PTPRH: variants seen among roughly 807,000 people sequenced by gnomAD.
PTPRH encodes receptor-type tyrosine-protein phosphatase H.
Under a neutral mutation model 130.2 loss-of-function variants are expected in PTPRH, and 113 were observed. The observed-to-expected ratio is 0.87, with a 90% CI of 0.75 to 1.01. PTPRH has a LOEUF of 1.01. Ranked by LOEUF, PTPRH falls within the 50% of genes least tolerant of loss-of-function variation. The pLI, the probability that PTPRH is intolerant of heterozygous loss-of-function variation, is 0.00. For missense variants in PTPRH, 1,430 were observed against 1,425.0 expected (o/e 1.00, Z -0.06); for synonymous variants, 556 against 577.9 (o/e 0.96, Z 0.54).
At chr19:55,201,846 A>G (rs1690327423) in intron 6 of PTPRH, among the ~76,000 whole-genome samples, 1 of 152,228 alleles carries the variant, frequency 6.6e-6, no homozygotes, top group African/African-American at 2.4e-5. Context: ...AGAGAGTCCT[A>G]GACACAGACT....
Position 55,209,320 on chromosome 19 carries a change from T to C in PTPRH, c.51+63A>G. The C allele has an allele frequency of 7.1e-7, 1 of 1,418,250 alleles. No homozygotes were observed. The highest frequency in any genetic ancestry group is 9.8e-7 in the Non-Finnish European group (1 of 1,025,046). The allele number at this position is 1,418,250 out of a possible 1,614,324, so 87.9% of individuals were successfully genotyped here. A position where few individuals can be genotyped will look rare whatever the true frequency, so the allele number is the denominator to read the frequency against. ...CAAGATCGAGGTGCAGGCACCCAGC[T>C]CCTTCTCCCTCAGACCTGGGAGTCC... On this transcript the variant is annotated intron_variant, in intron 1 of 19. Coordinates refer to ENST00000376350, the MANE Select transcript of PTPRH (RefSeq NM_002842.5). This position sits in a 1 kb window ranked among gnomAD's most constrained non-coding sequence, Gnocchi z 4.1.
rs151175224 is a variant in PTPRH, at chr19:55,185,903, C to T, written c.2860G>A (p.Val954Met). The change falls in exon 17 of 20, where the codon GTG (valine) becomes ATG (methionine). Residue 954 changes from valine (V) to methionine (M), a missense_variant. Transcript: ENST00000376350. ...TCCCGCACCGTCCAGTTCTCCATCA[C>T]TTCCTCACCTACCAGGGTTACCCGC... ...HLRVTLVGEE[V>M]MENWTVRELL... The T allele has an allele frequency of 5.0e-6, 8 of 1,614,088 alleles. No individual in the cohort carries two copies. The African/African-American group carries it at 9.3e-5, about 19-fold the overall frequency.
chr19:55,203,850 T>C lies in PTPRH; in HGVS notation c.818A>G (p.Tyr273Cys). 1 of 1,614,178 alleles carries C rather than the reference T, an allele frequency of 6.2e-7. No individual in the cohort carries two copies. Among genetic ancestry groups the C allele is most frequent in the Non-Finnish European group, 8.5e-7 (1 of 1,180,038 alleles). ...TVDGLGPGSLYTCSVWVEKDG... is the reference protein window; with the variant it reads ...TVDGLGPGSLCTCSVWVEKDG... Reference sequence around the variant, plus strand: ...TTTCTCCACCCACACAGAACACGTATACAATGACCCGGGTCCAAGGCCATC... The same window carrying C: ...TTTCTCCACCCACACAGAACACGTACACAATGACCCGGGTCCAAGGCCATC... The change falls in exon 5 of 20, where the codon TAT becomes TGT. Residue 273 changes from tyrosine to cysteine, a missense_variant. By Grantham distance (194) the Tyr-to-Cys change is radical. Transcript: ENST00000376350.
intron 12 of PTPRH, among the ~76,000 whole-genome samples, chr19:55,190,793 C>T (rs2086513067): frequency 6.6e-6 from 1 of 150,474 alleles, no homozygotes; most frequent in African/African-American, 2.4e-5. Flanking sequence ...CCATGCCTGG[C>T]CCTGTCTGAA....
chr19:55,192,315 T>C (rs1329445804), intron 10 of PTPRH, among the ~76,000 whole-genome samples: 1 of 151,684 alleles, frequency 6.6e-6, no homozygotes, highest in East Asian at 2.0e-4. Context: ...GGCAGGAGAA[T>C]GGCGTGAACC....
At chr19:55,182,699 C>T (rs1295374231) in intron 18 of PTPRH, among the ~76,000 whole-genome samples, 1 of 152,180 alleles carries the variant, frequency 6.6e-6, no homozygotes, top group African/African-American at 2.4e-5. Context: ...TCCCATTCCC[C>T]AGGCCACTCA....
At chr19:55,197,745 A>G (rs948759639) in intron 8 of PTPRH, among the ~76,000 whole-genome samples, 4 of 152,182 alleles carry the variant, frequency 2.6e-5, no homozygotes, top group African/African-American at 9.6e-5. Flanking sequence ...TCATGGCCCC[A>G]TGGTGTGATG....
chr19:55,185,732 C>G (rs1599972042), intron 17 of PTPRH, 70 bp from the exon 18 acceptor site: 1 of 1,595,186 alleles, frequency 6.3e-7, no homozygotes, highest in East Asian at 2.2e-5. Context: ...GCACCAGGAG[C>G]GGGTTCCCTG....
Position 55,206,843 on chromosome 19 carries a change from C to T in PTPRH, c.198G>A (p.Gln66=), listed in dbSNP as rs768134790. 2 of 1,614,220 alleles carry T rather than the reference C, an allele frequency of 1.2e-6. No homozygotes were observed. Among genetic ancestry groups the T allele is most frequent in the South Asian group, 1.1e-5 (1 of 91,084 alleles). Residue 66 remains glutamine, a synonymous_variant, in exon 3 of 20, where the codon CAG becomes CAA. Coordinates refer to ENST00000376350, the MANE Select transcript of PTPRH (RefSeq NM_002842.5). ...CTGTTGTGCCGCCGTCTCCAGTACA[C>T]TGAACCCAGTAGTTGGAGTTCTGTG... ...LDSQNSNYWV[Q]CTGDGGTTET...
chr19:55,196,761 C>A lies in PTPRH; in HGVS notation c.2018G>T (p.Cys673Phe). 2 of 1,614,050 alleles carry A rather than the reference C, an allele frequency of 1.2e-6. No individual in the cohort carries two copies. Among genetic ancestry groups the A allele is most frequent in the Non-Finnish European group, 1.7e-6 (2 of 1,179,928 alleles). Residue 673 changes from cysteine (C) to phenylalanine (F), a missense_variant, in exon 10 of 20, where the codon TGT becomes TTT. Cys to Phe is a radical substitution (Grantham distance 205, BLOSUM62 -2). Transcript: ENST00000376350. ...TYPDTVTITSCVSTSAGYGVN... is the reference protein window; with the variant it reads ...TYPDTVTITSFVSTSAGYGVN... ...TCCATAGCCCGCTGAGGTGCTGACA[C>A]AGGAAGTGATGGTGACTGTGTCTGG...
intron 5 of PTPRH, 52 bp from the exon 6 acceptor site, chr19:55,202,374 T>A (rs1255666210): frequency 1.2e-6 from 2 of 1,600,710 alleles, no homozygotes; most frequent in Non-Finnish European, 1.7e-6. Context: ...GCCCTCAAAC[T>A]TTCCAGCCCT....
chr19:55,187,168 A>G (rs537010298), intron 14 of PTPRH, among the ~76,000 whole-genome samples: 24 of 149,464 alleles, frequency 1.6e-4, no homozygotes, highest in Admixed American at 8.1e-4. Context: ...ACACGGTGAA[A>G]CCCTGTCTCT....
rs1394853226 is a variant in PTPRH, at chr19:55,186,254, T to C, written c.2749A>G (p.Met917Val). 2.5e-6 allele frequency: 4 copies of C among 1,613,020 alleles called. No homozygotes were observed. Among genetic ancestry groups the C allele is most frequent in the African/African-American group, 2.7e-5 (2 of 74,862 alleles). ...VWEQQSHTLV[M>V]LTNCMEAGRV... ...CCGGCCTCCATGCAGTTGGTCAGCA[T>C]GACCAGGGTGTGGCTCTGCTGTTCC... is the stretch of plus-strand genomic sequence containing the variant. Residue 917 changes from methionine (M) to valine (V), a missense_variant, in exon 16 of 20, where the codon ATG becomes GTG. By Grantham distance (21) the Met-to-Val change is conservative (BLOSUM62 1). Transcript: ENST00000376350.
intron 7 of PTPRH, 39 bp from the exon 8 acceptor site, chr19:55,198,951 A>G: frequency 1.3e-6 from 2 of 1,482,164 alleles, no homozygotes; most frequent in Non-Finnish European, 1.8e-6. Context: ...CACATCCCCT[A>G]GTCCTCAAGA....
At chr19:55,207,097 C>T (rs2087091071) in intron 2 of PTPRH, 69 bp downstream of exon 2, 1 of 1,601,670 alleles carries the variant, frequency 6.2e-7, no homozygotes, top group African/African-American at 1.3e-5. Context: ...CGGGGACCCC[C>T]CAGAGGCTCA....
rs141361760 is a variant in PTPRH, at chr19:55,186,767, G to A, written c.2567-227C>T. ...AGGACTCTCAAAGGGACCCACAGCC[G>A]GGTGCAGTGACTCACACCTGTAATC... On this transcript the variant is annotated intron_variant, in intron 14 of 19. Coordinates refer to ENST00000376350, the MANE Select transcript of PTPRH (RefSeq NM_002842.5). Among the ~76,000 whole-genome samples the A allele has an allele frequency of 3.2e-3, 482 of 152,304 alleles. 1 individual carries two copies. Among genetic ancestry groups the A allele is most frequent in the African/African-American group, 9.0e-3 (373 of 41,566 alleles).
chr19:55,202,856 T>G (rs911533580), intron 5 of PTPRH, among the ~76,000 whole-genome samples: 2 of 150,972 alleles, frequency 1.3e-5, no homozygotes, highest in African/African-American at 4.9e-5. Flanking sequence ...CTGGCCAACA[T>G]GGCGAAACCC....
At position 55,185,497 on chromosome 19, in the gene PTPRH, C is replaced by T. The variant is rs370231211; in HGVS notation, c.3062+5G>A. On this transcript the variant is annotated splice_donor_5th_base_variant and intron_variant, in intron 18 of 19. Transcript: ENST00000376350. ...CAAGGGAGAGGGTCCTGGGCTGGTC[C>T]CCACCTGCAGTGCACAATGGGTGGG... The T allele has an allele frequency of 1.7e-5, 27 of 1,613,810 alleles. No individual in the cohort carries two copies. Among genetic ancestry groups the T allele is most frequent in the Middle Eastern group, 1.7e-4 (1 of 6,042 alleles).
In PTPRH at chr19:55,205,817, G is replaced by A. The variant is rs113023940; in HGVS notation, c.353-225C>T. On this transcript the variant is annotated intron_variant, in intron 3 of 19. Coordinates refer to ENST00000376350, the MANE Select transcript of PTPRH (RefSeq NM_002842.5). The stretch of plus-strand genomic sequence containing the variant: ...ATCCACACCGGCTTTCGAAGAGTTC[G>A]TATGAAATTAAGAATGTCAACTGTC... 7.3e-4 allele frequency among the ~76,000 whole-genome samples: 111 copies of A among 152,346 alleles called. 1 individual carries two copies. The highest frequency in any genetic ancestry group is 3.4e-3 in the Middle Eastern group (1 of 294).
Sources: allele counts gnomAD v4.1 joint callset (sites outside exome capture counted in the v4.1 genomes callset), GRCh38; gene constraint gnomAD v4.1.1; non-coding constraint Gnocchi (gnomAD v3.1); transcripts MANE v1.5; gene names NCBI Gene and HGNC (gene_info 2026-07-23, HGNC 2026-07-21).